Variants in KPNB1 observed in about 807,000 individuals in gnomAD.
KPNB1 encodes karyopherin subunit beta 1, also known as importin subunit beta-1.
In KPNB1, 7 loss-of-function variants were observed where a neutral mutation model predicts 113.0. The observed-to-expected ratio is 0.06, with a 90% CI of 0.04 to 0.12. The LOEUF (loss-of-function observed/expected upper bound fraction) is 0.12. Ranked by LOEUF, KPNB1 falls within the 10% of genes least tolerant of loss-of-function variation. The pLI is 1.00. For missense variants in KPNB1, 400 were observed against 1,054.8 expected, an observed-to-expected ratio of 0.38 and a Z score of 8.60; for synonymous variants, 363 against 378.6, an observed-to-expected ratio of 0.96 and a Z score of 0.48.
intron 15 of KPNB1, among the ~76,000 whole-genome samples, chr17:47,675,385 G>GTGTTTT (rs2030584072): frequency 1.2e-5 from 1 of 82,110 alleles, no homozygotes; most frequent in Non-Finnish European, 2.3e-5. Flanking sequence ...TTTTTTTTTT[G>GTGTTTT]TTTGTTTTTT....
At chr17:47,679,962 G>T in intron 19 of KPNB1, 58 bp from the exon 20 acceptor site, 1 of 1,085,810 alleles carries the variant, frequency 9.2e-7, no homozygotes, top group Non-Finnish European at 1.4e-6. Flanking sequence ...CTCCTAAAGT[G>T]CTGGGTTTAC....
At position 47,658,676 on chromosome 17, in the gene KPNB1, A is replaced by C; in HGVS notation, c.636+16A>C. On this transcript the variant is annotated intron_variant, in intron 5 of 21. Transcript: ENST00000290158. ...TGATAAAGAGGTAAGTTTTTTGACA[A>C]TAAGGTATAGATTCAGACAGTAAGG... is the stretch of plus-strand genomic sequence containing the variant. The C allele has an allele frequency of 1.2e-6, 2 of 1,609,136 alleles. No individual in the cohort carries two copies. The highest frequency in any genetic ancestry group is 1.7e-4 in the Middle Eastern group (1 of 6,048).
intron 4 of KPNB1, 40 bp from the exon 5 acceptor site, chr17:47,658,468 G>T: frequency 6.3e-7 from 1 of 1,594,270 alleles, no homozygotes; most frequent in Non-Finnish European, 8.5e-7. Flanking sequence ...GGCTGCAGAG[G>T]GCTGACTGTA....
chr17:47,670,082 G>C (rs2030402734), intron 11 of KPNB1, among the ~76,000 whole-genome samples: 1 of 152,214 alleles, frequency 6.6e-6, no homozygotes, highest in African/African-American at 2.4e-5. Flanking sequence ...ACTTAGAACA[G>C]TCATGGTAAC....
At chr17:47,678,490 T>A in intron 19 of KPNB1, 77 bp downstream of exon 19, 1 of 1,010,116 alleles carries the variant, frequency 9.9e-7, no homozygotes, top group Non-Finnish European at 1.6e-6. Context: ...TGTCATTCTG[T>A]AGCTCGCTTG....
At chr17:47,672,072 T>G (rs1168243848) in intron 12 of KPNB1, among the ~76,000 whole-genome samples, 1 of 151,694 alleles carries the variant, frequency 6.6e-6, no homozygotes, top group Non-Finnish European at 1.5e-5. Flanking sequence ...AGTGCAATTG[T>G]GCAATCTTGG....
intron 6 of KPNB1, among the ~76,000 whole-genome samples, chr17:47,661,436 C>A (rs1597927181): frequency 4.0e-5 from 6 of 151,798 alleles, no homozygotes. Flanking sequence ...CCTGTCTCTA[C>A]TAAAAATAAA....
chr17:47,659,425 T>C (rs901779311), intron 5 of KPNB1, among the ~76,000 whole-genome samples: 2 of 152,188 alleles, frequency 1.3e-5, no homozygotes, highest in Non-Finnish European at 2.9e-5. Context: ...TTGGTTTCTT[T>C]TAAGATTGTG....
At chr17:47,670,490 T>C in intron 11 of KPNB1, 1 of 406,892 alleles carries the variant, frequency 2.5e-6, no homozygotes, top group Non-Finnish European at 4.5e-6. Flanking sequence ...GCTTAGAGAG[T>C]TGTCAGATTA....
Position 47,680,028 on chromosome 17 carries a change from A to AT in KPNB1, c.2363dup (p.Met788IlefsTer15). 6.2e-7 allele frequency: 1 copy of AT among 1,610,820 alleles called. No homozygotes were observed. On this transcript the variant is annotated frameshift_variant, in exon 20 of 22. Transcript: ENST00000290158. LOFTEE classifies it high-confidence loss of function. ...TTCTCTCTCTTTTATAGCGGATGTGATGCTGGTACAACCCAGAGTAGAATT... is the reference window on the plus strand; with the variant it reads ...TTCTCTCTCTTTTATAGCGGATGTGATTGCTGGTACAACCCAGAGTAGAATT...
In KPNB1 at chr17:47,676,459, G is replaced by A; in HGVS notation, c.1963G>A (p.Gly655Ser). ...CATGGAGGCCTTTAAACCCTTCCTGGGCATTGGATTAAAAAATTATGCTGA... is the reference window on the plus strand; with the variant it reads ...CATGGAGGCCTTTAAACCCTTCCTGAGCATTGGATTAAAAAATTATGCTGA... ...KYMEAFKPFL[G>S]IGLKNYAEYQ... Residue 655 changes from glycine to serine, a missense_variant, in exon 16 of 22, where the codon GGC becomes AGC. This residue lies in a region of KPNB1 where 115 missense variants were observed against 427.9 expected (regional missense o/e 0.27). Transcript: ENST00000290158. The A allele has an allele frequency of 1.2e-6, 2 of 1,613,412 alleles. No individual in the cohort carries two copies. Among genetic ancestry groups the A allele is most frequent in the African/African-American group, 1.3e-5 (1 of 74,964 alleles).
At chr17:47,662,502 G>A (rs1459048520) in intron 6 of KPNB1, among the ~76,000 whole-genome samples, 1 of 151,686 alleles carries the variant, frequency 6.6e-6, no homozygotes, top group Non-Finnish European at 1.5e-5. Context: ...CTTGAGCCTG[G>A]TGGTTGAGGC....
At position 47,683,840 on chromosome 17, in the gene KPNB1, T is replaced by C. The variant is rs1276884657; in HGVS notation, c.*1436T>C. ...CTGAAGTTGAAGGTTAATAAAATGG[T>C]GTCAAACGTCCCCTGGTCACACACT... On this transcript the variant is annotated 3_prime_UTR_variant, in exon 22 of 22. Coordinates refer to ENST00000290158, the MANE Select transcript of KPNB1 (RefSeq NM_002265.6). 6.6e-6 allele frequency: 1 copy of C among 152,542 alleles called. No homozygotes were observed. Among genetic ancestry groups the C allele is most frequent in the Non-Finnish European group, 1.5e-5 (1 of 68,022 alleles). 9.4% of individuals were successfully genotyped at this position (152,542 alleles called of 1,614,324 possible). A position where few individuals can be genotyped will look rare whatever the true frequency, so the allele number is the denominator to read the frequency against.
intron 5 of KPNB1, among the ~76,000 whole-genome samples, chr17:47,659,826 G>C (rs1434184155): frequency 3.9e-5 from 6 of 151,926 alleles, no homozygotes; most frequent in Non-Finnish European, 1.5e-5. Context: ...AGGATCACTT[G>C]AGCCTGGGAG....
rs1220708651 is a variant in KPNB1 at position 47,650,561 on chromosome 17, T to TC, written c.99+123dup. 1,690 of 403,478 alleles carry TC rather than the reference T, an allele frequency of 4.2e-3. 1 individual carries two copies. Among genetic ancestry groups the TC allele is most frequent in the Non-Finnish European group, 5.4e-3 (1,345 of 249,702 alleles). The allele number at this position is 403,478 out of a possible 1,614,324, so 25.0% of individuals were successfully genotyped here. On this transcript the variant is annotated intron_variant, in intron 2 of 21. Transcript: ENST00000290158. The stretch of plus-strand genomic sequence containing the variant: ...CCTACCCCGCCCCATCCCGTCCCCC[T>TC]CCCCCCTCCCCCTCCCCCCCCAACC...
chr17:47,678,007 GT>G (rs2030664448), intron 17 of KPNB1, 38 bp from the exon 18 acceptor site: 2 of 1,595,220 alleles, frequency 1.3e-6, no homozygotes, highest in African/African-American at 2.7e-5. Context: ...GACCAAACAA[GT>G]TTTGACTTAA....
chr17:47,669,308 T>C (rs1311975451), intron 10 of KPNB1, among the ~76,000 whole-genome samples: 2 of 152,142 alleles, frequency 1.3e-5, no homozygotes, highest in Non-Finnish European at 2.9e-5. Context: ...TTTCATCATG[T>C]TGGTCAGGCT....
At chr17:47,663,985 CAAA>C (rs369076256) in intron 7 of KPNB1, among the ~76,000 whole-genome samples, 171 bp from the exon 8 acceptor site, 5 of 119,384 alleles carry the variant, frequency 4.2e-5, no homozygotes, top group Non-Finnish European at 5.4e-5. Context: ...ACCCCATCAC[CAAA>C]AAAAAAAAAA....
chr17:47,650,224 G>A lies in KPNB1; in HGVS notation c.-21G>A, dbSNP rs764960340. ...CCGGGCCGTCGTCTTAGGAGGAGTC[G>A]CCGCCGCCGCCACCTCCGCCATGGA... On this transcript the variant is annotated 5_prime_UTR_variant, in exon 1 of 22. Transcript: ENST00000290158. The A allele has an allele frequency of 1.5e-5, 23 of 1,570,596 alleles. 1 individual carries two copies. The highest frequency in any genetic ancestry group is 1.9e-5 in the Non-Finnish European group (22 of 1,163,070).
Sources: allele counts gnomAD v4.1 joint callset (sites outside exome capture counted in the v4.1 genomes callset), GRCh38; gene constraint gnomAD v4.1.1; regional missense constraint gnomAD v4.1.1; transcripts MANE v1.5; gene names NCBI Gene and HGNC (gene_info 2026-07-23, HGNC 2026-07-21).